Variants in PTPRD observed in about 807,000 individuals in gnomAD.
PTPRD encodes the protein receptor-type tyrosine-protein phosphatase delta.
Under a neutral mutation model 214.5 loss-of-function variants are expected in PTPRD, and 34 were observed. That is an observed-to-expected ratio of 0.16 (90% CI 0.12 to 0.21). The LOEUF is 0.21. Ranked by LOEUF, PTPRD falls within the 10% of genes least tolerant of loss-of-function variation. The pLI is 1.00. For missense variants in PTPRD, 2,545 were observed against 2,398.7 expected, an observed-to-expected ratio of 1.06 and a Z score of -1.27; for synonymous variants, 1,128 against 845.7, an observed-to-expected ratio of 1.33 and a Z score of -5.79.
intron 3 of PTPRD, among the ~76,000 whole-genome samples, chr9:10,305,118 G>C (rs1375417559): frequency 6.6e-6 from 1 of 152,018 alleles, no homozygotes; most frequent in Non-Finnish European, 1.5e-5. Flanking sequence ...ACAACCATCT[G>C]ATCTTTGACA....
At chr9:9,849,235 G>A (rs529944410) in intron 5 of PTPRD, among the ~76,000 whole-genome samples, 2 of 152,152 alleles carry the variant, frequency 1.3e-5, no homozygotes, top group East Asian at 3.9e-4. Flanking sequence ...GGATCACGCT[G>A]TAGAGAGAGA....
intron 10 of PTPRD, among the ~76,000 whole-genome samples, chr9:9,102,806 C>T (rs1230748764): frequency 6.6e-6 from 1 of 152,080 alleles, no homozygotes; most frequent in Non-Finnish European, 1.5e-5. Flanking sequence ...AATTTTGAAA[C>T]ATGACACTTG....
chr9:8,441,401 C>G (rs1261890946), intron 34 of PTPRD, among the ~76,000 whole-genome samples: 1 of 152,014 alleles, frequency 6.6e-6, no homozygotes, highest in Middle Eastern at 3.2e-3. Context: ...TCAGACTGTT[C>G]AGGTTTTCAA....
At chr9:8,665,957 C>A (rs2097161299) in intron 12 of PTPRD, among the ~76,000 whole-genome samples, 1 of 151,692 alleles carries the variant, frequency 6.6e-6, no homozygotes, top group African/African-American at 2.4e-5. Context: ...CAAAGTGTTC[C>A]AATGAAATAA....
chr9:8,957,464 T>A (rs560133109), intron 11 of PTPRD, among the ~76,000 whole-genome samples: 1 of 151,820 alleles, frequency 6.6e-6, no homozygotes, highest in Non-Finnish European at 1.5e-5. Context: ...GTTCTGTTTT[T>A]GAAATGCTGA....
At chr9:10,412,499 G>A (rs1477157471) in intron 2 of PTPRD, among the ~76,000 whole-genome samples, 1 of 151,582 alleles carries the variant, frequency 6.6e-6, no homozygotes, top group African/African-American at 2.4e-5. Context: ...TATGTAAAGA[G>A]CTGGTACCAT....
At chr9:8,798,754 T>C (rs1011146108) in intron 11 of PTPRD, among the ~76,000 whole-genome samples, 1 of 152,204 alleles carries the variant, frequency 6.6e-6, no homozygotes, top group Non-Finnish European at 1.5e-5. Flanking sequence ...TAATCTGCAA[T>C]ATTGGCTCCT....
chr9:9,846,650 A>G lies in PTPRD; in HGVS notation c.-367-79799T>C, dbSNP rs373102596. Among the ~76,000 whole-genome samples, 7 of 152,258 alleles carry G rather than the reference A, an allele frequency of 4.6e-5. No homozygotes were observed. The East Asian group carries it at 1.4e-3, about 29-fold the overall frequency. Reference sequence around the variant, plus strand: ...GGAGTTCTGGTTTTGTATTGTGAAGACAGAGCATGGAAACTTATTTTTAAG... The same window carrying G: ...GGAGTTCTGGTTTTGTATTGTGAAGGCAGAGCATGGAAACTTATTTTTAAG... On this transcript the variant is annotated intron_variant, in intron 5 of 45. Transcript: ENST00000381196.
chr9:10,553,999 T>A (rs2061920338), intron 2 of PTPRD, among the ~76,000 whole-genome samples: 1 of 152,188 alleles, frequency 6.6e-6, no homozygotes, highest in South Asian at 2.1e-4. Flanking sequence ...TTATTATATT[T>A]TCTTGGATAA....
At chr9:8,413,195 T>G (rs1160953084) in intron 35 of PTPRD, among the ~76,000 whole-genome samples, 1 of 152,332 alleles carries the variant, frequency 6.6e-6, no homozygotes, top group East Asian at 1.9e-4. Flanking sequence ...AGATGTATTT[T>G]AGGCTTTCAT....
At chr9:9,920,594 A>G (rs914477759) in intron 5 of PTPRD, among the ~76,000 whole-genome samples, 3 of 152,150 alleles carry the variant, frequency 2.0e-5, no homozygotes, top group African/African-American at 7.2e-5. Context: ...CGTCCTCTTT[A>G]TCATTCACTT....
Position 10,148,343 on chromosome 9 carries a change from C to T in PTPRD, c.-544-114553G>A, listed in dbSNP as rs191802747. 5.7e-3 allele frequency among the ~76,000 whole-genome samples: 870 copies of T among 152,212 alleles called. 7 individuals carry two copies. Among genetic ancestry groups the T allele is most frequent in the African/African-American group, 0.019 (778 of 41,544 alleles). On this transcript the variant is annotated intron_variant, in intron 3 of 45. Transcript: ENST00000381196. ...TATTCAACTGATAATTTTTAAAGTA[C>T]ATAAGTGTATCTGGCATGATGCTAA...
At chr9:9,904,581 C>T (rs139013770) in intron 5 of PTPRD, among the ~76,000 whole-genome samples, 1 of 151,892 alleles carries the variant, frequency 6.6e-6, no homozygotes, top group Non-Finnish European at 1.5e-5. Flanking sequence ...CCTTAGCTTC[C>T]TTCCACACCT....
intron 3 of PTPRD, among the ~76,000 whole-genome samples, chr9:10,220,125 T>A (rs2099562001): frequency 6.6e-6 from 1 of 151,876 alleles, no homozygotes; most frequent in Non-Finnish European, 1.5e-5. Context: ...ATAAAAAGAC[T>A]AGCATTAAAA....
At chr9:10,262,162 A>G (rs2093739372) in intron 3 of PTPRD, among the ~76,000 whole-genome samples, 1 of 152,204 alleles carries the variant, frequency 6.6e-6, no homozygotes, top group Non-Finnish European at 1.5e-5. Context: ...GTGGTCTAAA[A>G]AGGTGAAATT....
intron 5 of PTPRD, among the ~76,000 whole-genome samples, chr9:9,855,487 A>G (rs1485790070): frequency 1.3e-5 from 2 of 152,190 alleles, no homozygotes; most frequent in South Asian, 4.1e-4. Flanking sequence ...GTACTAGGAA[A>G]TTAAAACCTA....
rs146000951 is a variant in PTPRD, at chr9:10,278,448, G to A, written c.-545+62515C>T. Among the ~76,000 whole-genome samples, 361 of 152,204 alleles carry A rather than the reference G, an allele frequency of 2.4e-3. 2 individuals are homozygous for A. The highest frequency in any genetic ancestry group is 8.4e-3 in the African/African-American group (350 of 41,532). ...GGGAGAGGCTCAGATTTGCTGCATT[G>A]CCTCCCTCCAAAATCAGACAACTTC... On this transcript the variant is annotated intron_variant, in intron 3 of 45. Transcript: ENST00000381196.
At chr9:10,103,152 C>T (rs1023187657) in intron 3 of PTPRD, among the ~76,000 whole-genome samples, 16 of 151,348 alleles carry the variant, frequency 1.1e-4, no homozygotes, top group African/African-American at 1.9e-4. Context: ...ACAAGGAGCA[C>T]GCATCTTGGA....
At chr9:8,801,821 CCT>C (rs2096577535) in intron 11 of PTPRD, among the ~76,000 whole-genome samples, 1 of 152,244 alleles carries the variant, frequency 6.6e-6, no homozygotes, top group East Asian at 1.9e-4. Flanking sequence ...TGTGGCCTGA[CCT>C]CTGTTTAGTC....
Sources: gnomAD v4.1 joint callset for allele counts (sites outside exome capture counted in the v4.1 genomes callset) on GRCh38, gnomAD v4.1.1 for gene constraint, MANE v1.5 for transcripts, NCBI Gene and HGNC (gene_info 2026-07-23, HGNC 2026-07-21) for gene names.